DIS3: variants seen among roughly 807,000 people sequenced by gnomAD.
DIS3 encodes the protein exosome complex exonuclease RRP44.
In DIS3, 103 loss-of-function variants were observed where a neutral mutation model predicts 113.0. The observed-to-expected ratio is 0.91, with a 90% CI of 0.78 to 1.07. The LOEUF is 1.07. DIS3 is among the 50% of genes least tolerant of loss of function. DIS3 has a pLI of 0.00. For synonymous variants in DIS3, 402 were observed against 394.3 expected (o/e 1.02, Z -0.23); for missense variants, 1,121 against 1,167.1 (o/e 0.96, Z 0.58).
chr13:72,761,693 T>G lies in DIS3; in HGVS notation c.2464A>C (p.Lys822Gln), dbSNP rs1185988554. 3.1e-6 allele frequency: 5 copies of G among 1,613,502 alleles called. No homozygotes were observed. The highest frequency in any genetic ancestry group is 4.2e-6 in the Non-Finnish European group (5 of 1,179,886). ...GCACGTTGGGCATATTGAGCCATTTTGTGCCGGAAATTTAGATTTTTACAT... is the reference window on the plus strand; with the variant it reads ...GCACGTTGGGCATATTGAGCCATTTGGTGCCGGAAATTTAGATTTTTACAT... ...DICKNLNFRH[K>Q]MAQYAQRASV... The change falls in exon 18 of 21, where the codon AAA becomes CAA. Residue 822 changes from lysine to glutamine, a missense_variant. By Grantham distance (53) the Lys-to-Gln change is moderately conservative. Around this residue, in one of 3 missense-constraint regions of DIS3, gnomAD observed 861 missense variants for 915.5 expected, o/e 0.94. Transcript: ENST00000377767.
chr13:72,778,941 G>T (rs562850975), intron 2 of DIS3, among the ~76,000 whole-genome samples: 1 of 152,138 alleles, frequency 6.6e-6, no homozygotes, highest in African/African-American at 2.4e-5. Context: ...AAACTCCCAA[G>T]TATGTCAACA....
chr13:72,770,965 T>C lies in DIS3; in HGVS notation c.1694A>G (p.Glu565Gly), dbSNP rs1469453188. ...VDRLAFSCIW[E>G]MNHNAEILKT... is the part of the protein sequence containing the mutation. ...TAAGATTTCAGCATTGTGATTCATTTCCCAAATACATGAAAATGCCAGCCT... is the reference window on the plus strand; with the variant it reads ...TAAGATTTCAGCATTGTGATTCATTCCCCAAATACATGAAAATGCCAGCCT... The change falls in exon 13 of 21, where the codon GAA becomes GGA. Residue 565 changes from glutamate (E) to glycine (G), a missense_variant. Glu to Gly is a moderately conservative substitution (Grantham distance 98, BLOSUM62 -2). Transcript: ENST00000377767. 6.3e-7 allele frequency: 1 copy of C among 1,599,986 alleles called. No homozygotes were observed. Among genetic ancestry groups the C allele is most frequent in the African/African-American group, 1.3e-5 (1 of 74,698 alleles).
chr13:72,774,097 CTAAG>C (rs2033952307), intron 6 of DIS3, 38 bp from the exon 7 acceptor site: 1 of 1,413,384 alleles, frequency 7.1e-7, no homozygotes, highest in East Asian at 2.3e-5. Context: ...TTATATTCCT[CTAAG>C]TATTATCAGG....
intron 5 of DIS3, 142 bp from the exon 6 acceptor site, chr13:72,775,517 A>C: frequency 9.6e-7 from 1 of 1,045,044 alleles, no homozygotes; most frequent in Non-Finnish European, 1.3e-6. Context: ...TTCTTTCTCT[A>C]TTGTGTCCCT....
Position 72,758,538 on chromosome 13 carries a change from GT to G in DIS3, c.*1256del, listed in dbSNP as rs1225548539. 9.3e-6 allele frequency: 2 copies of G among 216,102 alleles called. No homozygotes were observed. Among genetic ancestry groups the G allele is most frequent in the East Asian group, 6.9e-5 (1 of 14,586 alleles). 13.4% of individuals were successfully genotyped at this position (216,102 alleles called of 1,614,324 possible). ...AATGTTCTAGCACTTCACAGAAAAG[GT>G]TTTTTGACTCCTACTCTACTGTTTC... is the stretch of plus-strand genomic sequence containing the variant. On this transcript the variant is annotated 3_prime_UTR_variant, in exon 21 of 21. Coordinates refer to ENST00000377767, the MANE Select transcript of DIS3 (RefSeq NM_014953.5).
chr13:72,771,913 T>G lies in DIS3; in HGVS notation c.1504-17A>C. On this transcript the variant is annotated splice_polypyrimidine_tract_variant and intron_variant, in intron 10 of 20. Coordinates refer to ENST00000377767, the MANE Select transcript of DIS3 (RefSeq NM_014953.5). ...AACACCAACCTTAAAAAGATAAAAA[T>G]AAAAGGATGTCAATATGCTTGACTG... The G allele has an allele frequency of 6.2e-7, 1 of 1,607,338 alleles. No homozygotes were observed. Among genetic ancestry groups the G allele is most frequent in the Non-Finnish European group, 8.5e-7 (1 of 1,176,398 alleles).
At chr13:72,766,426 C>T (rs544160902) in intron 14 of DIS3, among the ~76,000 whole-genome samples, 2 of 152,218 alleles carry the variant, frequency 1.3e-5, no homozygotes, top group South Asian at 4.1e-4. Flanking sequence ...TAATTTACTA[C>T]AGAAAACAGT....
At position 72,766,323 on chromosome 13, in the gene DIS3, G is replaced by A. The variant is rs571932645; in HGVS notation, c.1884-265C>T. 4.6e-5 allele frequency among the ~76,000 whole-genome samples: 7 copies of A among 152,264 alleles called. No individual in the cohort carries two copies. In the East Asian group the frequency reaches 7.7e-4, roughly 17 times the overall value. On this transcript the variant is annotated intron_variant, in intron 14 of 20. Coordinates refer to ENST00000377767, the MANE Select transcript of DIS3 (RefSeq NM_014953.5). ...GAAATCTGAATCCCTGTGCTTCTGA[G>A]GGTTATATCTTCTGTACCCAAACGA...
In DIS3 at chr13:72,760,513, T is replaced by C; in HGVS notation, c.2793+16A>G. 1 of 1,613,250 alleles carries C rather than the reference T, an allele frequency of 6.2e-7. No individual in the cohort carries two copies. Among genetic ancestry groups the C allele is most frequent in the Non-Finnish European group, 8.5e-7 (1 of 1,179,492 alleles). ...TTTGTTCCATCACAACAAGGAAATT[T>C]TAAGTTTGGCCTTACCTGTGGTTCT... On this transcript the variant is annotated intron_variant, in intron 20 of 20. Coordinates refer to ENST00000377767, the MANE Select transcript of DIS3 (RefSeq NM_014953.5).
intron 14 of DIS3, 50 bp downstream of exon 14, chr13:72,768,734 CA>C (rs766633132): frequency 7.3e-7 from 1 of 1,362,958 alleles, no homozygotes. Context: ...TATGATCAAA[CA>C]ATGTAAAGAG....
Position 72,754,348 on chromosome 13 carries a change from G to A in DIS3, c.*5447C>T, listed in dbSNP as rs1271954236. 2 of 142,872 alleles carry A rather than the reference G, an allele frequency of 1.4e-5. No individual in the cohort carries two copies. The highest frequency in any genetic ancestry group is 5.4e-5 in the African/African-American group (2 of 37,112). The allele number at this position is 142,872 out of a possible 1,614,324, so 8.9% of individuals were successfully genotyped here. A position where few individuals can be genotyped will look rare whatever the true frequency, so the allele number is the denominator to read the frequency against. On this transcript the variant is annotated 3_prime_UTR_variant, in exon 21 of 21. Coordinates refer to ENST00000377767, the MANE Select transcript of DIS3 (RefSeq NM_014953.5). ...TTTTTTTGAGACAGGGTCTTACTCTGTCACCCGGGCTGGAGTGCAGTCGTA... is the reference window on the plus strand; with the variant it reads ...TTTTTTTGAGACAGGGTCTTACTCTATCACCCGGGCTGGAGTGCAGTCGTA...
At chr13:72,760,705 G>C in intron 19 of DIS3, 54 bp from the exon 20 acceptor site, 1 of 1,570,522 alleles carries the variant, frequency 6.4e-7, no homozygotes, top group Non-Finnish European at 8.6e-7. Context: ...TTGAGGCTTT[G>C]TTCTAATCCT....
Position 72,758,918 on chromosome 13 carries a change from G to A in DIS3, c.*877C>T, listed in dbSNP as rs1423796623. ...TAATTTAATCATTACTAATCTCTGT[G>A]ATTAGCAAGGGAAGTAGTCAGTCTG... On this transcript the variant is annotated 3_prime_UTR_variant, in exon 21 of 21. Coordinates refer to ENST00000377767, the MANE Select transcript of DIS3 (RefSeq NM_014953.5). 5.5e-6 allele frequency: 1 copy of A among 181,238 alleles called. No individual in the cohort carries two copies. Among genetic ancestry groups the A allele is most frequent in the Non-Finnish European group, 1.2e-5 (1 of 84,960 alleles). 11.2% of individuals were successfully genotyped at this position (181,238 alleles called of 1,614,324 possible).
Position 72,775,914 on chromosome 13 carries a change from T to A in DIS3, c.822+11A>T. 1 of 1,589,334 alleles carries A rather than the reference T, an allele frequency of 6.3e-7. No individual in the cohort carries two copies. The highest frequency in any genetic ancestry group is 8.5e-7 in the Non-Finnish European group (1 of 1,170,712). ...TATTTTAGTGTATAAGGAATTTATT[T>A]ATATACTTGCCTCTTTATTTTCTTC... On this transcript the variant is annotated intron_variant, in intron 5 of 20. Transcript: ENST00000377767.
chr13:72,776,166 CAG>C (rs2034013945), intron 4 of DIS3, 74 bp from the exon 5 acceptor site: 32 of 1,414,614 alleles, frequency 2.3e-5, no homozygotes, highest in Non-Finnish European at 3.0e-5. Context: ...TTATTAATAT[CAG>C]AGAATTTTTG....
chr13:72,765,849 A>C, intron 15 of DIS3, 123 bp downstream of exon 15: 1 of 693,968 alleles, frequency 1.4e-6, no homozygotes, highest in South Asian at 3.9e-5. Context: ...AAGCCAAATA[A>C]AGTAGAAATC....
rs1350607051 is a variant in DIS3, at chr13:72,758,977, A to C, written c.*818T>G. On this transcript the variant is annotated 3_prime_UTR_variant, in exon 21 of 21. Transcript: ENST00000377767. ...AATTTTATTAATAATACTTATTTTA[A>C]TCTGTTCCCTTTAGTATGTCTTTAT... 1.7e-5 allele frequency: 3 copies of C among 179,396 alleles called. No homozygotes were observed. In the South Asian group the frequency reaches 5.9e-4, roughly 35 times the overall value. The allele number at this position is 179,396 out of a possible 1,614,324, so 11.1% of individuals were successfully genotyped here. A position where few individuals can be genotyped will look rare whatever the true frequency, so the allele number is the denominator to read the frequency against.
chr13:72,755,214 T>C lies in DIS3; in HGVS notation c.*4581A>G, dbSNP rs762646878. ...AAGCCCTTTTCAATGCAGCAGTCCA[T>C]AGAATGCCTCTGTCAGAATCAAAGA... is the stretch of plus-strand genomic sequence containing the variant. On this transcript the variant is annotated 3_prime_UTR_variant, in exon 21 of 21. Coordinates refer to ENST00000377767, the MANE Select transcript of DIS3 (RefSeq NM_014953.5). 3.1e-6 allele frequency: 5 copies of C among 1,610,700 alleles called. No individual in the cohort carries two copies. Among genetic ancestry groups the C allele is most frequent in the African/African-American group, 1.3e-5 (1 of 74,942 alleles).
At chr13:72,774,092 T>C (rs1324004069) in intron 6 of DIS3, 33 bp from the exon 7 acceptor site, 3 of 1,437,208 alleles carry the variant, frequency 2.1e-6, no homozygotes, top group Non-Finnish European at 2.9e-6. Flanking sequence ...TTCAGTTATA[T>C]TCCTCTAAGT....
Sources: allele counts gnomAD v4.1 joint callset (sites outside exome capture counted in the v4.1 genomes callset), GRCh38; gene constraint gnomAD v4.1.1; regional missense constraint gnomAD v4.1.1; transcripts MANE v1.5; gene names NCBI Gene and HGNC (gene_info 2026-07-23, HGNC 2026-07-21).